ATOH8: variants seen among roughly 807,000 people sequenced by gnomAD.
ATOH8 encodes atonal bHLH transcription factor 8.
Under a neutral mutation model 21.2 loss-of-function variants are expected in ATOH8, and 9 were observed. That is an observed-to-expected ratio of 0.42 (90% CI 0.26 to 0.74). The LOEUF is 0.74. ATOH8 is among the 30% of genes least tolerant of loss of function. The pLI, the probability that ATOH8 is intolerant of heterozygous loss-of-function variation, is 0.24. For missense variants in ATOH8, 524 were observed against 470.9 expected, an observed-to-expected ratio of 1.11 and a Z score of -1.04; for synonymous variants, 253 against 224.0, an observed-to-expected ratio of 1.13 and a Z score of -1.16.
chr2:85,763,912 C>T (rs1292685320), intron 1 of ATOH8, 79 bp from the exon 2 acceptor site: 2 of 1,380,544 alleles, frequency 1.4e-6, no homozygotes, highest in East Asian at 2.6e-5. Context: ...CTCAGATATA[C>T]CATAGACAGG....
chr2:85,758,036 C>G (rs1277189709), intron 1 of ATOH8, among the ~76,000 whole-genome samples: 1 of 152,146 alleles, frequency 6.6e-6, no homozygotes, highest in Non-Finnish European at 1.5e-5. Context: ...ATCCACCCAC[C>G]TCTGTCTCCC....
chr2:85,759,703 C>T (rs1381959115), intron 1 of ATOH8, among the ~76,000 whole-genome samples: 4 of 152,076 alleles, frequency 2.6e-5, no homozygotes, highest in Admixed American at 6.5e-5. Context: ...TGACACGAGA[C>T]GATCAGATGA....
rs1473622479 is a variant in ATOH8, at chr2:85,790,887, C to T, written c.*3997C>T. 6.6e-6 allele frequency among the ~76,000 whole-genome samples: 1 copy of T among 152,216 alleles called. No homozygotes were observed. The highest frequency in any genetic ancestry group is 1.5e-5 in the Non-Finnish European group (1 of 68,034). On this transcript the variant is annotated 3_prime_UTR_variant, in exon 3 of 3. Transcript: ENST00000306279. ...CTCCCTCCTATGCTGCTTCCTGAGC[C>T]ACGAAGTGGTCATTGCCAGCATCCC...
Position 85,789,732 on chromosome 2 carries a change from G to T in ATOH8, c.*2842G>T, listed in dbSNP as rs2104544611. On this transcript the variant is annotated 3_prime_UTR_variant, in exon 3 of 3. Transcript: ENST00000306279. ...CAAGCTCCTCAAGTGATCTTAATGT[G>T]CAGGCAAGGTTGAAGCCGCTGGTCT... 6.6e-6 allele frequency among the ~76,000 whole-genome samples: 1 copy of T among 152,322 alleles called. No individual in the cohort carries two copies. Among genetic ancestry groups the T allele is most frequent in the South Asian group, 2.1e-4 (1 of 4,832 alleles).
At chr2:85,760,635 C>T (rs1679842896) in intron 1 of ATOH8, 3 of 152,220 alleles carry the variant, frequency 2.0e-5, no homozygotes, top group Admixed American at 2.0e-4. Flanking sequence ...TGGAAGTGAC[C>T]ATTTCTACCT....
chr2:85,781,424 G>C (rs904354487), intron 2 of ATOH8, among the ~76,000 whole-genome samples: 15 of 151,864 alleles, frequency 9.9e-5, no homozygotes, highest in African/African-American at 3.4e-4. Context: ...AAAATTAACC[G>C]GGTGTGATTA....
At chr2:85,780,208 G>C (rs1237457199) in intron 2 of ATOH8, among the ~76,000 whole-genome samples, 1 of 152,140 alleles carries the variant, frequency 6.6e-6, no homozygotes, top group Admixed American at 6.5e-5. Context: ...CTCAAAGTAA[G>C]GGCCTGCAAC....
rs986954264 is a variant in ATOH8 at position 85,789,633 on chromosome 2, T to G, written c.*2743T>G. The stretch of plus-strand genomic sequence containing the variant: ...TTAAATATTAAATATTGATATGAAG[T>G]ATTGATGCCCAATTTCATCTCCAGA... On this transcript the variant is annotated 3_prime_UTR_variant, in exon 3 of 3. Transcript: ENST00000306279. Among the ~76,000 whole-genome samples, 2 of 152,240 alleles carry G rather than the reference T, an allele frequency of 1.3e-5. No individual in the cohort carries two copies. Among genetic ancestry groups the G allele is most frequent in the Middle Eastern group, 6.8e-3 (2 of 294 alleles).
intron 2 of ATOH8, among the ~76,000 whole-genome samples, chr2:85,769,833 C>T (rs1283646399): frequency 6.6e-6 from 1 of 152,070 alleles, no homozygotes; most frequent in Admixed American, 6.5e-5. Context: ...CACCTATGGC[C>T]CCTAGGGTGC....
At position 85,791,041 on chromosome 2, in the gene ATOH8, A is replaced by T. The variant is rs939048013; in HGVS notation, c.*4151A>T. 6.6e-6 allele frequency among the ~76,000 whole-genome samples: 1 copy of T among 152,198 alleles called. No individual in the cohort carries two copies. Among genetic ancestry groups the T allele is most frequent in the Non-Finnish European group, 1.5e-5 (1 of 68,038 alleles). ...TGCTTTCTGTTTCCTGGTTCCAGGA[A>T]GACAGCGGGGCACAGGGTCCCTGCT... On this transcript the variant is annotated 3_prime_UTR_variant, in exon 3 of 3. Transcript: ENST00000306279.
In ATOH8 at chr2:85,764,098, C is replaced by G. The variant is rs752788861; in HGVS notation, c.876C>G (p.Ala292=). 1.2e-6 allele frequency: 2 copies of G among 1,614,056 alleles called. No individual in the cohort carries two copies. Among genetic ancestry groups the G allele is most frequent in the Non-Finnish European group, 1.7e-6 (2 of 1,180,042 alleles). ...GGCTGGCTGACCTTGACTACAGTGC[C>G]GACCACAGCAACCTCAGCTTCTCCG... ...LARLADLDYS[A]DHSNLSFSEC... Residue 292 remains alanine, a synonymous_variant, in exon 2 of 3, where the codon GCC becomes GCG. Transcript: ENST00000306279.
At chr2:85,769,724 G>C (rs1218362188) in intron 2 of ATOH8, among the ~76,000 whole-genome samples, 7 of 152,164 alleles carry the variant, frequency 4.6e-5, no homozygotes. Context: ...TGTCTGGATA[G>C]CTGAGCCCAG....
intron 2 of ATOH8, among the ~76,000 whole-genome samples, 174 bp downstream of exon 2, chr2:85,764,356 G>A (rs1280017037): frequency 6.6e-6 from 1 of 152,188 alleles, no homozygotes; most frequent in African/African-American, 2.4e-5. Flanking sequence ...TGGGATTATA[G>A]GTGTGTCTCT....
At chr2:85,774,241 G>C (rs1680267234) in intron 2 of ATOH8, 1 of 985,496 alleles carries the variant, frequency 1.0e-6, no homozygotes, top group Non-Finnish European at 1.2e-6. Context: ...CGTCAGCCTA[G>C]TGACCAGAAA....
In ATOH8 at chr2:85,790,254, T is replaced by G. The variant is rs996786098; in HGVS notation, c.*3364T>G. On this transcript the variant is annotated 3_prime_UTR_variant, in exon 3 of 3. Coordinates refer to ENST00000306279, the MANE Select transcript of ATOH8 (RefSeq NM_032827.7). ...AGGCCATAAAGGGATGAGGGGGCCCTCTCCAGGGACCCGCAAGATCTTCCT... is the reference window on the plus strand; with the variant it reads ...AGGCCATAAAGGGATGAGGGGGCCCGCTCCAGGGACCCGCAAGATCTTCCT... 2.6e-5 allele frequency among the ~76,000 whole-genome samples: 4 copies of G among 152,168 alleles called. No homozygotes were observed. Among genetic ancestry groups the G allele is most frequent in the African/African-American group, 9.7e-5 (4 of 41,438 alleles).
intron 2 of ATOH8, among the ~76,000 whole-genome samples, chr2:85,776,789 C>T (rs1487988241): frequency 2.0e-5 from 3 of 152,132 alleles, no homozygotes; most frequent in South Asian, 2.1e-4. Flanking sequence ...GGCAGCTGGG[C>T]ACATGTTGGG....
chr2:85,774,184 C>T lies in ATOH8; in HGVS notation c.960+10002C>T, dbSNP rs1003589407. The T allele has an allele frequency of 2.3e-5, 23 of 985,352 alleles. No homozygotes were observed. The South Asian group carries it at 6.6e-4, about 28-fold the overall frequency. The allele number at this position is 985,352 out of a possible 1,614,324, so 61.0% of individuals were successfully genotyped here. ...CGTGGGGCCAAAGGCAAGGAGGACC[C>T]GAGGAAGGAAGAGGAACCACTGTCC... On this transcript the variant is annotated intron_variant, in intron 2 of 2. Coordinates refer to ENST00000306279, the MANE Select transcript of ATOH8 (RefSeq NM_032827.7).
intron 2 of ATOH8, among the ~76,000 whole-genome samples, chr2:85,784,162 G>A (rs559895308): frequency 1.3e-5 from 2 of 152,280 alleles, no homozygotes; most frequent in South Asian, 4.1e-4. Context: ...TCTGTGAAAT[G>A]CCCTTTTGTA....
At chr2:85,772,586 C>G (rs1298104313) in intron 2 of ATOH8, 1 of 409,904 alleles carries the variant, frequency 2.4e-6, no homozygotes. Flanking sequence ...CCAGCTCTCC[C>G]CTGGCCATCT....
Sources: gnomAD v4.1 joint callset for allele counts (sites outside exome capture counted in the v4.1 genomes callset) on GRCh38, gnomAD v4.1.1 for gene constraint, MANE v1.5 for transcripts, NCBI Gene and HGNC (gene_info 2026-07-23, HGNC 2026-07-21) for gene names.